The following ARHGEF11 variants were observed in gnomAD, a reference collection of about 807,000 sequenced individuals.
ARHGEF11 encodes Rho guanine nucleotide exchange factor 11, also known as Rho guanine exchange factor (GEF) 11.
A neutral mutation model predicts 193.7 loss-of-function variants in ARHGEF11; 55 were observed. The observed-to-expected ratio is 0.28, with a 90% CI of 0.23 to 0.36. The LOEUF (loss-of-function observed/expected upper bound fraction) is 0.36, where lower values mean the gene tolerates loss of function less well. Ranked by LOEUF, ARHGEF11 falls within the 10% of genes least tolerant of loss-of-function variation. The probability of loss-of-function intolerance (pLI) is 1.00; values close to 1 mark genes in which losing one functional copy is unlikely to be tolerated. For missense variants in ARHGEF11, 1,723 were observed against 2,005.6 expected, an observed-to-expected ratio of 0.86 and a Z score of 2.69; for synonymous variants, 693 against 768.0, an observed-to-expected ratio of 0.90 and a Z score of 1.62.
chr1:156,996,444 G>C (rs1001595048), intron 1 of ARHGEF11, among the ~76,000 whole-genome samples: 2 of 152,062 alleles, frequency 1.3e-5, no homozygotes, highest in African/African-American at 4.8e-5. Flanking sequence ...AAGGCAGAGG[G>C]AGGACACAGG....
chr1:156,936,785 T>C, intron 40 of ARHGEF11, 31 bp downstream of exon 40: 1 of 1,597,340 alleles, frequency 6.3e-7, no homozygotes, highest in Non-Finnish European at 8.5e-7. Flanking sequence ...CCCCCAATGG[T>C]AGGAACCGAG....
At chr1:156,962,935 C>T (rs893306782) in intron 13 of ARHGEF11, among the ~76,000 whole-genome samples, 3 of 141,358 alleles carry the variant, frequency 2.1e-5, no homozygotes, top group African/African-American at 8.0e-5. Context: ...TTCTCCAAGA[C>T]GACTTCCTGA....
intron 15 of ARHGEF11, 117 bp from the exon 16 acceptor site, chr1:156,959,259 G>C (rs1660436752): frequency 1.2e-6 from 1 of 811,560 alleles, no homozygotes; most frequent in East Asian, 2.7e-5. Context: ...GGAAGGGCTG[G>C]CTTTCTGCCC....
upstream of ARHGEF11, among the ~76,000 whole-genome samples, chr1:157,046,671 A>G (rs2103148616): frequency 6.6e-6 from 1 of 152,284 alleles, no homozygotes; most frequent in East Asian, 1.9e-4. Flanking sequence ...TTTCCAGAGC[A>G]ATTCTATTTT....
chr1:157,025,338 T>A (rs146523848), intron 1 of ARHGEF11, among the ~76,000 whole-genome samples: 2 of 152,336 alleles, frequency 1.3e-5, no homozygotes, highest in East Asian at 3.9e-4. Context: ...TCTTCCCCGA[T>A]GCATGTCGAA....
At chr1:156,946,619 T>C (rs1415488797) in intron 28 of ARHGEF11, 43 bp downstream of exon 28, 11 of 1,613,246 alleles carry the variant, frequency 6.8e-6, no homozygotes, top group African/African-American at 5.3e-5. Context: ...CTTGGTGACC[T>C]TGATGGAGAT....
At chr1:157,006,329 T>C (rs538032293) in intron 1 of ARHGEF11, among the ~76,000 whole-genome samples, 1 of 152,282 alleles carries the variant, frequency 6.6e-6, no homozygotes, top group South Asian at 2.1e-4. Context: ...CTATCCAAGA[T>C]GGAATCACAC....
rs748021803 is a variant in ARHGEF11, at chr1:156,944,013, C to T, written c.3157G>A (p.Val1053Met). Residue 1053 changes from valine to methionine, a missense_variant, in exon 32 of 41, where the codon GTG becomes ATG. This residue lies in a region of ARHGEF11 where 491 missense variants were observed against 654.5 expected (regional missense o/e 0.75). Transcript: ENST00000368194. ...GTCTGCTTGCTGTCTGAGGAGCCCA[C>T]AGCAGTCTTGCTGTGGCACTTCAGC... is the stretch of plus-strand genomic sequence containing the variant. ...LLLKCHSKTA[V>M]GSSDSKQTFS... The T allele has an allele frequency of 1.9e-6, 3 of 1,614,198 alleles. No individual in the cohort carries two copies. The highest frequency in any genetic ancestry group is 2.5e-6 in the Non-Finnish European group (3 of 1,180,012).
chr1:156,938,577 G>C (rs1465729691), intron 37 of ARHGEF11, 64 bp from the exon 38 acceptor site: 3 of 1,529,632 alleles, frequency 2.0e-6, no homozygotes, highest in South Asian at 1.1e-5. Context: ...GGAAGGGAGA[G>C]AGAACAGGAA....
chr1:157,004,976 G>C (rs1176079771), intron 1 of ARHGEF11, among the ~76,000 whole-genome samples: 1 of 152,228 alleles, frequency 6.6e-6, no homozygotes, highest in South Asian at 2.1e-4. Context: ...TTACTCCCAA[G>C]ATCATAGAGA....
At position 156,947,400 on chromosome 1, in the gene ARHGEF11, G is replaced by C; in HGVS notation, c.2392C>G (p.Leu798Val). The change falls in exon 26 of 41, where the codon CTG (leucine) becomes GTG (valine). Residue 798 changes from leucine to valine, a missense_variant. By Grantham distance (32) the Leu-to-Val change is conservative. This residue lies in a region of ARHGEF11 where 491 missense variants were observed against 654.5 expected (regional missense o/e 0.75). Transcript: ENST00000368194. ...TTCTTCATTCGCTGGTAGAAGATCA[G>C]GTCCAGGACCCGGAGTGTGCGCAGG... ...SHLRTLRVLDLIFYQRMKKEN... is the reference protein window; with the variant it reads ...SHLRTLRVLDVIFYQRMKKEN... 2 of 1,614,044 alleles carry C rather than the reference G, an allele frequency of 1.2e-6. No individual in the cohort carries two copies. Among genetic ancestry groups the C allele is most frequent in the Non-Finnish European group, 1.7e-6 (2 of 1,179,972 alleles).
At chr1:157,031,228 G>C (rs967921800) in intron 1 of ARHGEF11, among the ~76,000 whole-genome samples, 6 of 152,038 alleles carry the variant, frequency 3.9e-5, no homozygotes, top group African/African-American at 1.5e-4. Flanking sequence ...AATTCCCATA[G>C]GCCACACCAA....
intron 28 of ARHGEF11, 118 bp downstream of exon 28, chr1:156,946,544 G>A (rs1039295627): frequency 3.0e-5 from 42 of 1,410,390 alleles, no homozygotes; most frequent in South Asian, 2.3e-4. Context: ...AGCGTGTGTC[G>A]AAGGGTAGAG....
chr1:157,041,932 C>A (rs1672801556), intron 1 of ARHGEF11, among the ~76,000 whole-genome samples: 3 of 152,212 alleles, frequency 2.0e-5, no homozygotes, highest in Non-Finnish European at 4.4e-5. Flanking sequence ...CTCTACACAG[C>A]AAACTGATAA....
At chr1:157,023,575 G>C (rs1018640019) in intron 1 of ARHGEF11, among the ~76,000 whole-genome samples, 15 of 152,138 alleles carry the variant, frequency 9.9e-5, no homozygotes, top group Non-Finnish European at 1.9e-4. Context: ...AGATCAGCCT[G>C]GCCAACATGG....
chr1:157,035,587 T>G (rs1237249902), intron 1 of ARHGEF11, among the ~76,000 whole-genome samples: 4 of 151,626 alleles, frequency 2.6e-5, no homozygotes, highest in Non-Finnish European at 4.4e-5. Flanking sequence ...GTATTTTTAG[T>G]AGAGACGGGG....
intron 1 of ARHGEF11, among the ~76,000 whole-genome samples, chr1:157,014,933 C>T (rs1291730255): frequency 6.6e-6 from 1 of 152,114 alleles, no homozygotes; most frequent in Non-Finnish European, 1.5e-5. Context: ...TTGTCTTCAG[C>T]CTTCAGTCTC....
At chr1:156,943,813 A>G in intron 32 of ARHGEF11, 122 bp downstream of exon 32, 1 of 1,253,670 alleles carries the variant, frequency 8.0e-7, no homozygotes, top group Admixed American at 2.6e-5. Flanking sequence ...TCAGGACAGG[A>G]GGAAAGGAAC....
intron 13 of ARHGEF11, 26 bp downstream of exon 13, chr1:156,963,176 CA>C: frequency 6.4e-7 from 1 of 1,570,864 alleles, no homozygotes; most frequent in Non-Finnish European, 8.8e-7. Context: ...AGCAGGCACT[CA>C]ATCAAGACAG....
Sources: allele counts gnomAD v4.1 joint callset (sites outside exome capture counted in the v4.1 genomes callset), GRCh38; gene constraint gnomAD v4.1.1; regional missense constraint gnomAD v4.1.1; transcripts MANE v1.5; gene names NCBI Gene and HGNC (gene_info 2026-07-23, HGNC 2026-07-21).